MYO1H: variants seen among roughly 807,000 people sequenced by gnomAD.
MYO1H encodes the protein unconventional myosin-Ih.
A neutral mutation model predicts 149.3 loss-of-function variants in MYO1H; 118 were observed. The observed-to-expected ratio is 0.79, with a 90% CI of 0.68 to 0.92. MYO1H has a LOEUF of 0.92. Among genes scored for constraint, MYO1H ranks in the 40% least tolerant of loss-of-function variants. The pLI is 0.00. For missense variants in MYO1H, 1,212 were observed against 1,280.7 expected (o/e 0.95, Z 0.82); for synonymous variants, 447 against 465.2 (o/e 0.96, Z 0.50).
exon 4 of MYO1H, chr12:109,396,419 G>A: frequency 3.7e-6 from 6 of 1,613,712 alleles, no homozygotes; most frequent in Non-Finnish European, 5.1e-6. Flanking sequence ...CGAATGATGT[G>A]TGCTGAACTA....
chr12:109,446,926 T>TCC, intron 31 of MYO1H: 1 of 594,958 alleles, frequency 1.7e-6, no homozygotes, highest in Non-Finnish European at 3.0e-6. Context: ...TGTGTCTCTC[T>TCC]CCTCTGGAGT....
chr12:109,342,263 G>C, the MYO1H span, among the ~76,000 whole-genome samples: 2 of 150,938 alleles, frequency 1.3e-5, no homozygotes, highest in African/African-American at 4.9e-5. Context: ...TCCTGCCTCA[G>C]CCTCCCAAGT....
intron 1 of MYO1H, among the ~76,000 whole-genome samples, chr12:109,370,681 A>G (rs1592782031): frequency 6.6e-6 from 1 of 152,222 alleles, no homozygotes; most frequent in South Asian, 2.1e-4. Context: ...TTCCTTCTTT[A>G]ACCTGTGCTC....
At chr12:109,329,252 C>T in the MYO1H span, among the ~76,000 whole-genome samples, 3 of 152,140 alleles carry the variant, frequency 2.0e-5, no homozygotes, top group Non-Finnish European at 2.9e-5. Context: ...TTTTATTGTA[C>T]AGCCGTGTTC....
chr12:109,349,487 A>AC (rs1274262705), intron 1 of MYO1H, among the ~76,000 whole-genome samples: 45 of 101,726 alleles, frequency 4.4e-4, no homozygotes, highest in South Asian at 1.1e-3. Context: ...ACATAGTGTG[A>AC]CCCCCCCACC....
intron 31 of MYO1H, 107 bp downstream of exon 31, chr12:109,445,719 T>C (rs1415241474): frequency 4.9e-6 from 7 of 1,436,514 alleles, no homozygotes; most frequent in African/African-American, 1.4e-5. Context: ...AAGCTATTAA[T>C]AGTTCATTTC....
intron 27 of MYO1H, among the ~76,000 whole-genome samples, chr12:109,443,262 GTATATGTGTGTGTATATGTGTACGTATA>G (rs1872302785): frequency 2.9e-5 from 2 of 69,306 alleles, no homozygotes; most frequent in African/African-American, 6.6e-5. Flanking sequence ...ATATGTGTAC[GTATATGTGTGTGTATATGTGTACGTATA>G]TATGTGTGTA....
chr12:109,314,773 TCTC>T, the MYO1H span, among the ~76,000 whole-genome samples: 1 of 152,214 alleles, frequency 6.6e-6, no homozygotes, highest in East Asian at 1.9e-4. Flanking sequence ...TAAAGGCGCT[TCTC>T]CTTGTTCTGT....
chr12:109,318,521 G>T, the MYO1H span, among the ~76,000 whole-genome samples: 1 of 152,096 alleles, frequency 6.6e-6, no homozygotes, highest in African/African-American at 2.4e-5. Flanking sequence ...CACTGTCAGT[G>T]GCTCTCATGC....
At chr12:109,442,382 G>A (rs1872175514) in intron 27 of MYO1H, 110 bp downstream of exon 27, 1 of 825,814 alleles carries the variant, frequency 1.2e-6, no homozygotes, top group Non-Finnish European at 2.0e-6. Context: ...GGTGCAGCTG[G>A]GCAGCTGGGG....
chr12:109,434,668 T>A (rs1449086012), intron 20 of MYO1H, among the ~76,000 whole-genome samples: 1 of 152,216 alleles, frequency 6.6e-6, no homozygotes, highest in East Asian at 1.9e-4. Flanking sequence ...CTCCTAGTTG[T>A]GGAGGCCAGA....
chr12:109,351,112 T>C (rs1003686216), intron 1 of MYO1H, among the ~76,000 whole-genome samples: 1 of 152,220 alleles, frequency 6.6e-6, no homozygotes, highest in Non-Finnish European at 1.5e-5. Context: ...ATGGGTGAAG[T>C]GGTGTACAAG....
chr12:109,358,687 T>C (rs916741699), intron 1 of MYO1H, among the ~76,000 whole-genome samples: 5 of 152,120 alleles, frequency 3.3e-5, no homozygotes, highest in Admixed American at 2.6e-4. Flanking sequence ...CATCACGAGA[T>C]AGTGTGTTCT....
In MYO1H at chr12:109,440,828, G is replaced by A. The variant is rs1218729292; in HGVS notation, c.2538+1G>A. 6.6e-7 allele frequency: 1 copy of A among 1,519,810 alleles called. No individual in the cohort carries two copies. Among genetic ancestry groups the A allele is most frequent in the South Asian group, 1.2e-5 (1 of 83,578 alleles). The allele number at this position is 1,519,810 out of a possible 1,614,324, so 94.1% of individuals were successfully genotyped here. ...GATCACAGCTGAGCGGAAAGCAATG[G>A]TAGGGACATGATGTCTGCGGTGGCC... On this transcript the variant is annotated splice_donor_variant, in intron 25 of 31. Transcript: ENST00000310903. LOFTEE classifies it high-confidence loss of function.
At position 109,380,432 on chromosome 12, in the gene MYO1H, A is replaced by T. The variant is rs577823601; in HGVS notation, c.13-8251A>T. On this transcript the variant is annotated intron_variant, in intron 1 of 31. Coordinates refer to ENST00000310903, the Ensembl canonical transcript of MYO1H. ...ATAGAGAGATTGACTATTTCAAGGG[A>T]ACCTAAAAAACACAGTAATGTGTCT... Among the ~76,000 whole-genome samples the T allele has an allele frequency of 3.9e-5, 6 of 152,330 alleles. No individual in the cohort carries two copies. In the East Asian group the frequency reaches 1.2e-3, roughly 29 times the overall value.
At chr12:109,350,365 C>G (rs73190673) in intron 1 of MYO1H, among the ~76,000 whole-genome samples, 2 of 151,968 alleles carry the variant, frequency 1.3e-5, no homozygotes, top group Non-Finnish European at 2.9e-5. Flanking sequence ...GGGAGATTAT[C>G]GAATCATGGG....
At chr12:109,317,342 G>T in the MYO1H span, among the ~76,000 whole-genome samples, 103 of 152,278 alleles carry the variant, frequency 6.8e-4, 2 homozygotes, top group East Asian at 0.018. Flanking sequence ...ATTTTTTAGA[G>T]AAACAGTGTC....
At chr12:109,352,843 G>T (rs1043627973) in intron 1 of MYO1H, among the ~76,000 whole-genome samples, 2 of 152,064 alleles carry the variant, frequency 1.3e-5, no homozygotes, top group Non-Finnish European at 2.9e-5. Flanking sequence ...TTCTTTCGAG[G>T]TAAATAGTAT....
chr12:109,400,484 T>G (rs1870116791), intron 5 of MYO1H, among the ~76,000 whole-genome samples: 1 of 152,238 alleles, frequency 6.6e-6, no homozygotes, highest in Non-Finnish European at 1.5e-5. Flanking sequence ...TTCTTTTTCA[T>G]TCAAGTCTTT....
Sources: allele counts gnomAD v4.1 joint callset (sites outside exome capture counted in the v4.1 genomes callset), GRCh38; gene constraint gnomAD v4.1.1; transcripts MANE v1.5; gene names NCBI Gene and HGNC (gene_info 2026-07-23, HGNC 2026-07-21).